The following UNC13C variants were observed in gnomAD, a reference collection of about 807,000 sequenced individuals.
UNC13C encodes unc-13 homolog C, also known as protein unc-13 homolog C.
In UNC13C, 174 loss-of-function variants were observed where a neutral mutation model predicts 245.4. That is an observed-to-expected ratio of 0.71 (90% confidence interval 0.63 to 0.80). UNC13C has a LOEUF of 0.80. UNC13C is among the 30% of genes least tolerant of loss of function. UNC13C has a pLI of 0.00. For missense variants in UNC13C, 2,829 were observed against 2,602.9 expected (o/e 1.09, Z -1.89); for synonymous variants, 992 against 895.1 (o/e 1.11, Z -1.93).
At chr15:54,322,391 C>G (rs1402709932) in intron 14 of UNC13C, among the ~76,000 whole-genome samples, 1 of 151,912 alleles carries the variant, frequency 6.6e-6, no homozygotes. Flanking sequence ...TCAACATATG[C>G]AAATTTGGTA....
chr15:53,986,446 G>A (rs1221947740), intron 1 of UNC13C, among the ~76,000 whole-genome samples: 2 of 151,930 alleles, frequency 1.3e-5, no homozygotes, highest in Non-Finnish European at 2.9e-5. Flanking sequence ...TGTAACTCAG[G>A]CCCTACTGGC....
the UNC13C span, among the ~76,000 whole-genome samples, chr15:53,958,130 G>C: frequency 6.6e-6 from 1 of 152,126 alleles, no homozygotes; most frequent in Non-Finnish European, 1.5e-5. Context: ...CTTAAAGAGA[G>C]CTGCAGATAA....
chr15:54,372,236 A>T (rs940453197), intron 17 of UNC13C, among the ~76,000 whole-genome samples: 35 of 152,232 alleles, frequency 2.3e-4, no homozygotes, highest in African/African-American at 8.4e-4. Context: ...TTGTCAATTA[A>T]AAAGTATAAA....
the UNC13C span, among the ~76,000 whole-genome samples, chr15:53,970,490 T>A: frequency 6.6e-6 from 1 of 152,358 alleles, no homozygotes; most frequent in African/African-American, 2.4e-5. Flanking sequence ...GTGAATAATA[T>A]GGCATTGAGT....
chr15:54,363,629 T>A (rs2039287857), intron 17 of UNC13C, among the ~76,000 whole-genome samples: 1 of 152,188 alleles, frequency 6.6e-6, no homozygotes, highest in African/African-American at 2.4e-5. Flanking sequence ...TGATCAGATA[T>A]GTGTTTATAA....
At chr15:54,341,010 A>G (rs2038715363) in intron 17 of UNC13C, among the ~76,000 whole-genome samples, 1 of 152,226 alleles carries the variant, frequency 6.6e-6, no homozygotes, top group Admixed American at 6.5e-5. Context: ...GTTGGTGGGA[A>G]TATAAATGTG....
chr15:53,992,540 G>C (rs961676818), intron 1 of UNC13C, among the ~76,000 whole-genome samples: 1 of 152,060 alleles, frequency 6.6e-6, no homozygotes. Flanking sequence ...AGAGGATTCA[G>C]GAGAATCTAG....
intron 19 of UNC13C, among the ~76,000 whole-genome samples, chr15:54,476,952 C>G (rs1220950049): frequency 7.1e-6 from 1 of 141,300 alleles, no homozygotes; most frequent in Non-Finnish European, 1.5e-5. Context: ...ATGGAATGTT[C>G]TTCCATTTGT....
chr15:54,494,689 T>G lies in UNC13C; in HGVS notation c.5015T>G (p.Val1672Gly). The G allele has an allele frequency of 6.2e-7, 1 of 1,611,558 alleles. No homozygotes were observed. The highest frequency in any genetic ancestry group is 8.5e-7 in the Non-Finnish European group (1 of 1,178,724). ...FKVKWFYNEY[V>G]RELPAFKDAV... Reference sequence around the variant, plus strand: ...GTTAAATGGTTTTATAATGAATATGTGCGTGAACTTCCTGCCTTCAAGGAT... The same window carrying G: ...GTTAAATGGTTTTATAATGAATATGGGCGTGAACTTCCTGCCTTCAAGGAT... Residue 1672 changes from valine to glycine, a missense_variant, in exon 20 of 33, where the codon GTG becomes GGG. By Grantham distance (109) the Val-to-Gly change is moderately radical (BLOSUM62 -3). Transcript: ENST00000260323.
intron 4 of UNC13C, among the ~76,000 whole-genome samples, chr15:54,189,382 A>G (rs13329648): frequency 0.085 from 12,851 of 152,082 alleles, 763 homozygotes; most frequent in African/African-American, 0.16. Context: ...TTTAAATTCA[A>G]TTTATTTTAA....
chr15:54,193,647 A>T lies in UNC13C; in HGVS notation c.3072-41383A>T, dbSNP rs188838359. ...TTACTCTTTTCAAATAAACTAATTG[A>T]ATAGCTAGGCAACTTAATGTTATTG... On this transcript the variant is annotated intron_variant, in intron 4 of 32. Transcript: ENST00000260323. 1.1e-3 allele frequency among the ~76,000 whole-genome samples: 166 copies of T among 152,252 alleles called. 4 individuals are homozygous for T. In the Middle Eastern group the frequency reaches 0.014, roughly 12 times the overall value.
rs1047038090 is a variant in UNC13C, at chr15:54,627,658, A to G, written c.*545A>G. The G allele has an allele frequency of 6.5e-6, 1 of 152,696 alleles. No individual in the cohort carries two copies. Among genetic ancestry groups the G allele is most frequent in the Non-Finnish European group, 1.5e-5 (1 of 68,062 alleles). The allele number at this position is 152,696 out of a possible 1,614,324, so 9.5% of individuals were successfully genotyped here. On this transcript the variant is annotated 3_prime_UTR_variant, in exon 33 of 33. Transcript: ENST00000260323. The stretch of plus-strand genomic sequence containing the variant: ...AGGTGGGAAATATTTTCTGCTGACC[A>G]GTTTCCAACCTTTCTGAAATATCAC...
chr15:53,910,635 A>G, the UNC13C span: 3 of 145,774 alleles, frequency 2.1e-5, 1 homozygote, highest in African/African-American at 7.3e-5. Context: ...CCAGAGAAAG[A>G]GTTAAGCTGC....
intron 30 of UNC13C, among the ~76,000 whole-genome samples, chr15:54,583,930 A>C (rs974918616): frequency 2.0e-5 from 3 of 152,236 alleles, no homozygotes; most frequent in Non-Finnish European, 4.4e-5. Context: ...CCCCACGGGA[A>C]AGCCCCAGGA....
the UNC13C span, among the ~76,000 whole-genome samples, chr15:53,971,181 C>A: frequency 6.6e-6 from 1 of 152,100 alleles, no homozygotes; most frequent in African/African-American, 2.4e-5. Context: ...TTCAAGTTGG[C>A]AAACCACACA....
intron 2 of UNC13C, among the ~76,000 whole-genome samples, chr15:54,056,185 C>A (rs1229974410): frequency 1.3e-5 from 2 of 151,922 alleles, no homozygotes; most frequent in Non-Finnish European, 2.9e-5. Context: ...AAGTTTGAAC[C>A]AATGGCAAAG....
intron 2 of UNC13C, among the ~76,000 whole-genome samples, chr15:54,121,536 T>G (rs933510824): frequency 6.6e-6 from 1 of 152,052 alleles, no homozygotes. Context: ...GTTGCAATAA[T>G]TATTTTTTAA....
chr15:54,220,220 G>C (rs1266576708), intron 4 of UNC13C, among the ~76,000 whole-genome samples: 1 of 151,086 alleles, frequency 6.6e-6, no homozygotes, highest in South Asian at 2.1e-4. Flanking sequence ...TGATAGACTG[G>C]ATTAAGAAAA....
At chr15:53,892,203 C>G in the UNC13C span, among the ~76,000 whole-genome samples, 5 of 152,092 alleles carry the variant, frequency 3.3e-5, no homozygotes. Context: ...GAGTATTGGC[C>G]CCCGCTCTCC....
Sources: allele counts gnomAD v4.1 joint callset (sites outside exome capture counted in the v4.1 genomes callset), GRCh38; gene constraint gnomAD v4.1.1; transcripts MANE v1.5; gene names NCBI Gene and HGNC (gene_info 2026-07-23, HGNC 2026-07-21).